Variants in NAPG observed in about 807,000 individuals in gnomAD.
NAPG encodes NSF attachment protein gamma.
Under a neutral mutation model 48.4 loss-of-function variants are expected in NAPG, and 25 were observed. The ratio of observed to expected loss-of-function variants is 0.52; its 90% CI spans 0.38 to 0.72. NAPG has a LOEUF of 0.72. NAPG is among the 30% of genes least tolerant of loss of function. NAPG has a pLI of 0.00. For synonymous variants in NAPG, 139 were observed against 127.2 expected (o/e 1.09, Z -0.62); for missense variants, 359 against 372.5 (o/e 0.96, Z 0.30).
intron 1 of NAPG, among the ~76,000 whole-genome samples, chr18:10,530,297 C>T (rs1404983082): frequency 6.9e-6 from 1 of 143,930 alleles, no homozygotes; most frequent in African/African-American, 2.6e-5. Flanking sequence ...ACTAGGGGAT[C>T]TGATCTCATC....
At chr18:10,537,703 T>TA (rs1251904265) in intron 5 of NAPG, among the ~76,000 whole-genome samples, 1 of 152,238 alleles carries the variant, frequency 6.6e-6, no homozygotes, top group Non-Finnish European at 1.5e-5. Flanking sequence ...GCAGATATTG[T>TA]AGACTCGGAT....
In NAPG at chr18:10,550,439, C is replaced by A; in HGVS notation, c.*219C>A. 4.6e-6 allele frequency: 2 copies of A among 431,340 alleles called. No homozygotes were observed. The allele number at this position is 431,340 out of a possible 1,614,324, so 26.7% of individuals were successfully genotyped here. ...TTCCATAAGAGCTTTTCTAAGACAC[C>A]AGCAGGAATTAACAGAAAATGTACT... On this transcript the variant is annotated 3_prime_UTR_variant, in exon 12 of 12. Coordinates refer to ENST00000322897, the MANE Select transcript of NAPG (RefSeq NM_003826.3).
intron 8 of NAPG, chr18:10,540,712 C>G (rs9962325): frequency 0.067 from 14,545 of 217,832 alleles, 1,965 homozygotes; most frequent in African/African-American, 0.29. Context: ...ATATCTCTCT[C>G]AAGGAAAAAT....
rs376946681 is a variant in NAPG, at chr18:10,539,852, G to A, written c.349G>A (p.Ala117Thr). 2.3e-5 allele frequency: 37 copies of A among 1,613,850 alleles called. No homozygotes were observed. The highest frequency in any genetic ancestry group is 4.4e-5 in the South Asian group (4 of 91,088). The change falls in exon 6 of 12, where the codon GCT becomes ACT. Residue 117 changes from alanine (A) to threonine (T), a missense_variant. By Grantham distance (58) the Ala-to-Thr change is moderately conservative. Coordinates refer to ENST00000322897, the MANE Select transcript of NAPG (RefSeq NM_003826.3). This position sits in a 1 kb window ranked among gnomAD's most constrained non-coding sequence, Gnocchi z 4.7. ...CGGCACCCCAGACACAGCAGCCATG[G>A]CTTTGGAGCGAGCTGGAAAGTGAGT... ...ENGTPDTAAM[A>T]LERAGKLIEN...
At chr18:10,541,620 C>T (rs2032159418) in intron 8 of NAPG, among the ~76,000 whole-genome samples, 1 of 152,150 alleles carries the variant, frequency 6.6e-6, no homozygotes, top group African/African-American at 2.4e-5. Context: ...TTCAGGGCAG[C>T]TAGGAGGCAA....
chr18:10,533,263 C>T, intron 3 of NAPG: 1 of 351,204 alleles, frequency 2.8e-6, no homozygotes, highest in Middle Eastern at 7.8e-4. Context: ...AAACTGTAGT[C>T]ATAATAACTT....
intron 3 of NAPG, chr18:10,533,218 C>A: frequency 3.5e-6 from 1 of 285,620 alleles, no homozygotes; most frequent in African/African-American, 2.2e-5. Flanking sequence ...GAGGTGTTTG[C>A]AAACTTATCA....
In NAPG at chr18:10,526,135, A is replaced by G. The variant is rs2031802156; in HGVS notation, c.33A>G (p.Glu11=). 5 of 1,611,112 alleles carry G rather than the reference A, an allele frequency of 3.1e-6. No homozygotes were observed. The highest frequency in any genetic ancestry group is 4.2e-6 in the Non-Finnish European group (5 of 1,178,198). ...CTCAGAAGATAAACGAGGGGCTGGA[A>G]CACCTCGCCAAAGCAGAGAAATAGT... The part of the protein sequence containing the change: MAAQKINEGL[E]HLAKAEKYLK... Residue 11 remains glutamate (E), a synonymous_variant, in exon 1 of 12, where the codon GAA becomes GAG. Coordinates refer to ENST00000322897, the MANE Select transcript of NAPG (RefSeq NM_003826.3).
intron 5 of NAPG, among the ~76,000 whole-genome samples, chr18:10,536,714 C>T (rs1171014667): frequency 6.6e-6 from 1 of 152,122 alleles, no homozygotes; most frequent in African/African-American, 2.4e-5. Context: ...TTACTGCCTT[C>T]TAATGTATTT....
chr18:10,533,309 G>A (rs2031968238), intron 3 of NAPG: 3 of 408,662 alleles, frequency 7.3e-6, no homozygotes, highest in Non-Finnish European at 1.3e-5. Flanking sequence ...TTGCGTAATA[G>A]AAATAGTTTA....
intron 1 of NAPG, 88 bp downstream of exon 1, chr18:10,526,246 G>GTGGGA: frequency 2.0e-6 from 1 of 490,186 alleles, no homozygotes; most frequent in Non-Finnish European, 4.2e-6. Flanking sequence ...GGGCGGGAGG[G>GTGGGA]AGGGCTCAGG....
chr18:10,532,858 C>A, intron 3 of NAPG, 63 bp downstream of exon 3: 1 of 1,370,488 alleles, frequency 7.3e-7, no homozygotes, highest in Non-Finnish European at 1.0e-6. Flanking sequence ...GCTGTTTTCT[C>A]TTGCTGTAAA....
rs894883950 is a variant in NAPG, at chr18:10,543,448, G to A, written c.507-2878G>A. Among the ~76,000 whole-genome samples, 1 of 152,164 alleles carries A rather than the reference G, an allele frequency of 6.6e-6. No homozygotes were observed. Among genetic ancestry groups the A allele is most frequent in the Non-Finnish European group, 1.5e-5 (1 of 68,034 alleles). ...TGTCCATGGTGCCATCAATAACTGAGATAAGGAATATAGAAACAAACTTAT... is the reference window on the plus strand; with the variant it reads ...TGTCCATGGTGCCATCAATAACTGAAATAAGGAATATAGAAACAAACTTAT... On this transcript the variant is annotated intron_variant, in intron 8 of 11. Transcript: ENST00000322897. This position sits in a 1 kb window ranked among gnomAD's most constrained non-coding sequence, Gnocchi z 4.4.
intron 5 of NAPG, among the ~76,000 whole-genome samples, chr18:10,535,136 C>T (rs1416655009): frequency 1.3e-5 from 2 of 152,028 alleles, no homozygotes; most frequent in African/African-American, 4.8e-5. Context: ...ATGTTTTTTT[C>T]TAAAATGGTA....
Position 10,550,490 on chromosome 18 carries a change from A to C in NAPG, c.*270A>C. The stretch of plus-strand genomic sequence containing the variant: ...GTCATGTTTTAATACATTGATTAAA[A>C]AATTTGCAAGCCAAATTATACATAA... On this transcript the variant is annotated 3_prime_UTR_variant, in exon 12 of 12. Transcript: ENST00000322897. 1 of 288,148 alleles carries C rather than the reference A, an allele frequency of 3.5e-6. No individual in the cohort carries two copies. Among genetic ancestry groups the C allele is most frequent in the Non-Finnish European group, 6.4e-6 (1 of 156,996 alleles). 17.8% of individuals were successfully genotyped at this position (288,148 alleles called of 1,614,324 possible). A position where few individuals can be genotyped will look rare whatever the true frequency, so the allele number is the denominator to read the frequency against.
chr18:10,531,564 A>G (rs1385763156), intron 2 of NAPG, among the ~76,000 whole-genome samples: 1 of 152,242 alleles, frequency 6.6e-6, no homozygotes, highest in Non-Finnish European at 1.5e-5. Flanking sequence ...ATCTGGGGCA[A>G]GTGCTTTTGG....
At chr18:10,545,093 C>T (rs1393226669) in intron 8 of NAPG, among the ~76,000 whole-genome samples, 1 of 152,090 alleles carries the variant, frequency 6.6e-6, no homozygotes, top group Admixed American at 6.5e-5. Flanking sequence ...AGGTGGATCC[C>T]CTGAGGTCAG....
intron 1 of NAPG, chr18:10,526,359 G>A (rs914447786): frequency 3.5e-6 from 2 of 568,264 alleles, no homozygotes; most frequent in African/African-American, 2.0e-5. Context: ...GCCTCGGGAA[G>A]CGCCGTGGGT....
chr18:10,527,935 C>T (rs2031853440), intron 1 of NAPG, among the ~76,000 whole-genome samples: 1 of 152,030 alleles, frequency 6.6e-6, no homozygotes, highest in Admixed American at 6.5e-5. Flanking sequence ...CCTGTAATCC[C>T]AGCACTTTGG....
Sources: allele counts gnomAD v4.1 joint callset (sites outside exome capture counted in the v4.1 genomes callset), GRCh38; gene constraint gnomAD v4.1.1; non-coding constraint Gnocchi (gnomAD v3.1); transcripts MANE v1.5; gene names NCBI Gene and HGNC (gene_info 2026-07-23, HGNC 2026-07-21).